Variants in PIWIL2 observed in about 807,000 individuals in gnomAD.
The protein encoded by PIWIL2 is piwi-like protein 2.
Under a neutral mutation model 116.5 loss-of-function variants are expected in PIWIL2, and 81 were observed. The observed-to-expected ratio is 0.70, with a 90% confidence interval of 0.58 to 0.84. The LOEUF (loss-of-function observed/expected upper bound fraction) is 0.84. Among genes scored for constraint, PIWIL2 ranks in the 40% least tolerant of loss-of-function variants. The probability of loss-of-function intolerance (pLI) is 0.00; values close to 1 mark genes in which losing one functional copy is unlikely to be tolerated. For missense variants in PIWIL2, 1,272 were observed against 1,212.3 expected, an observed-to-expected ratio of 1.05 and a Z score of -0.73; for synonymous variants, 489 against 429.5, an observed-to-expected ratio of 1.14 and a Z score of -1.71.
chr8:22,301,244 T>A (rs1831040755), intron 10 of PIWIL2, among the ~76,000 whole-genome samples: 1 of 152,124 alleles, frequency 6.6e-6, no homozygotes, highest in Non-Finnish European at 1.5e-5. Flanking sequence ...GTGCCGGGAT[T>A]ACAGATGTGA....
At chr8:22,301,372 C>G (rs1281658129) in intron 10 of PIWIL2, among the ~76,000 whole-genome samples, 2 of 152,150 alleles carry the variant, frequency 1.3e-5, no homozygotes, top group Non-Finnish European at 2.9e-5. Flanking sequence ...CATCTCAGCT[C>G]ACGGTAGCCT....
intron 20 of PIWIL2, among the ~76,000 whole-genome samples, chr8:22,343,354 G>C (rs1353250830): frequency 6.6e-6 from 1 of 152,088 alleles, no homozygotes; most frequent in Non-Finnish European, 1.5e-5. Flanking sequence ...AGAATCATTT[G>C]AACTTGGGAG....
At chr8:22,281,807 T>C (rs1799412072) in intron 4 of PIWIL2, among the ~76,000 whole-genome samples, 1 of 149,622 alleles carries the variant, frequency 6.7e-6, no homozygotes, top group Non-Finnish European at 1.5e-5. Context: ...AGTTTTGCTC[T>C]GTCTCCCAAG....
chr8:22,347,059 T>C (rs1434533819), intron 20 of PIWIL2, among the ~76,000 whole-genome samples: 1 of 151,526 alleles, frequency 6.6e-6, no homozygotes, highest in East Asian at 1.9e-4. Flanking sequence ...TAGTCTCAGC[T>C]ACTCAGGAGG....
intron 10 of PIWIL2, among the ~76,000 whole-genome samples, chr8:22,296,033 TTTTTTTTTTTTTTTTTTTTTTTTTTG>T (rs1387744294): frequency 1.1e-4 from 2 of 18,974 alleles, no homozygotes; most frequent in Non-Finnish European, 8.1e-5. Flanking sequence ...TTTTTTTTTT[TTTTTTTTTTTTTTTTTTTTTTTTTTG>T]TTGTTGTTGT....
At position 22,289,907 on chromosome 8, in the gene PIWIL2, T is replaced by C. The variant is rs373152155; in HGVS notation, c.1047T>C (p.Ala349=). 3 of 1,610,030 alleles carry C rather than the reference T, an allele frequency of 1.9e-6. No homozygotes were observed. The highest frequency in any genetic ancestry group is 8.5e-7 in the Non-Finnish European group (1 of 1,176,280). ...GAAACTTTTATGACCCTACAAGTGCTATGGTACTACAGCAACACAGGTTGG... is the reference window on the plus strand; with the variant it reads ...GAAACTTTTATGACCCTACAAGTGCCATGGTACTACAGCAACACAGGTTGG... ...VGRNFYDPTS[A]MVLQQHRLQI... Residue 349 remains alanine (A), a synonymous_variant, in exon 9 of 23, where the codon GCT becomes GCC. Transcript: ENST00000356766.
intron 20 of PIWIL2, among the ~76,000 whole-genome samples, chr8:22,329,664 AT>A (rs1401936668): frequency 2.6e-5 from 4 of 152,172 alleles, no homozygotes; most frequent in Non-Finnish European, 4.4e-5. Flanking sequence ...TCAACATGAG[AT>A]TTGGCAGGGA....
In PIWIL2 at chr8:22,279,452, A is replaced by G; in HGVS notation, c.66A>G (p.Val22=). ...SPIHPSQCQA[V]RMPGCWPQAS... is the part of the protein sequence containing the mutation. ...TCCACCCATCCCAGTGCCAGGCTGTACGGATGCCAGGCTGTTGGCCACAAG... is the reference window on the plus strand; with the variant it reads ...TCCACCCATCCCAGTGCCAGGCTGTGCGGATGCCAGGCTGTTGGCCACAAG... The change falls in exon 2 of 23, where the codon GTA becomes GTG. Residue 22 remains valine (V), a synonymous_variant. Transcript: ENST00000356766. 1 of 1,614,072 alleles carries G rather than the reference A, an allele frequency of 6.2e-7. No homozygotes were observed. The highest frequency in any genetic ancestry group is 8.5e-7 in the Non-Finnish European group (1 of 1,179,932).
At chr8:22,284,733 T>C (rs868684100) in intron 6 of PIWIL2, among the ~76,000 whole-genome samples, 2 of 147,320 alleles carry the variant, frequency 1.4e-5, no homozygotes, top group African/African-American at 5.0e-5. Context: ...ATCTCTCTAG[T>C]GACAGTCTAG....
In PIWIL2 at chr8:22,356,371, C is replaced by T. The variant is rs920900769; in HGVS notation, c.*866C>T. 6.6e-6 allele frequency: 1 copy of T among 152,168 alleles called. No individual in the cohort carries two copies. The highest frequency in any genetic ancestry group is 1.5e-5 in the Non-Finnish European group (1 of 68,032). 9.4% of individuals were successfully genotyped at this position (152,168 alleles called of 1,614,324 possible). A position where few individuals can be genotyped will look rare whatever the true frequency, so the allele number is the denominator to read the frequency against. ...TCCTCTCTGGGGATTGAATTGATGA[C>T]GACTGTGACTTGAGTTGGATTCGAA... On this transcript the variant is annotated 3_prime_UTR_variant, in exon 23 of 23. Coordinates refer to ENST00000356766, the MANE Select transcript of PIWIL2 (RefSeq NM_018068.5).
At chr8:22,321,364 C>G (rs985431558) in intron 20 of PIWIL2, among the ~76,000 whole-genome samples, 17 of 152,148 alleles carry the variant, frequency 1.1e-4, no homozygotes, top group African/African-American at 3.9e-4. Context: ...CCTCCCACCT[C>G]AGCTTCCCAA....
At chr8:22,296,241 C>G (rs1312843232) in intron 10 of PIWIL2, among the ~76,000 whole-genome samples, 2 of 151,744 alleles carry the variant, frequency 1.3e-5, no homozygotes, top group Non-Finnish European at 2.9e-5. Flanking sequence ...GAGACAGGGT[C>G]TCACCACATT....
chr8:22,328,486 T>C (rs879421536), intron 20 of PIWIL2, among the ~76,000 whole-genome samples: 32 of 152,314 alleles, frequency 2.1e-4, no homozygotes, highest in African/African-American at 2.9e-4. Flanking sequence ...ATTGAAACTT[T>C]CATAGGGATT....
intron 20 of PIWIL2, among the ~76,000 whole-genome samples, chr8:22,341,299 T>TAAA (rs769390524): frequency 3.5e-5 from 5 of 141,990 alleles, no homozygotes; most frequent in African/African-American, 1.3e-4. Context: ...ATTCATGATT[T>TAAA]AAAAAAAAAA....
intron 1 of PIWIL2, among the ~76,000 whole-genome samples, chr8:22,277,877 A>C (rs1004595207): frequency 3.9e-5 from 6 of 152,042 alleles, no homozygotes; most frequent in African/African-American, 1.2e-4. Context: ...TAACTATGAA[A>C]TTGTTTATAG....
At chr8:22,333,194 G>A (rs897842643) in intron 20 of PIWIL2, among the ~76,000 whole-genome samples, 1 of 151,972 alleles carries the variant, frequency 6.6e-6, no homozygotes, top group Non-Finnish European at 1.5e-5. Flanking sequence ...GATATGAGAG[G>A]AAAAAACAAA....
intron 20 of PIWIL2, among the ~76,000 whole-genome samples, chr8:22,343,229 AC>A (rs1832149301): frequency 6.7e-6 from 1 of 150,228 alleles, no homozygotes; most frequent in African/African-American, 2.5e-5. Flanking sequence ...ACATGGAGAA[AC>A]CCCGTCTCTA....
chr8:22,315,071 A>G lies in PIWIL2; in HGVS notation c.2134A>G (p.Ser712Gly). Reference sequence around the variant, plus strand: ...CATTGGTCAGCCCACCAGGCTTCGGAGTGTGGCCCAGAAGATTTTACTTCA... The same window carrying G: ...CATTGGTCAGCCCACCAGGCTTCGGGGTGTGGCCCAGAAGATTTTACTTCA... ...RTIGQPTRLR[S>G]VAQKILLQIN... Residue 712 changes from serine to glycine, a missense_variant, in exon 18 of 23, where the codon AGT becomes GGT. Transcript: ENST00000356766. 1 of 1,613,762 alleles carries G rather than the reference A, an allele frequency of 6.2e-7. No homozygotes were observed. Among genetic ancestry groups the G allele is most frequent in the Non-Finnish European group, 8.5e-7 (1 of 1,179,760 alleles).
chr8:22,310,203 T>C, intron 15 of PIWIL2, 129 bp downstream of exon 15: 1 of 591,024 alleles, frequency 1.7e-6, no homozygotes, highest in Non-Finnish European at 3.0e-6. Context: ...CTGAATTACC[T>C]ACTAACCAGG....
Sources: gnomAD v4.1 joint callset for allele counts (sites outside exome capture counted in the v4.1 genomes callset) on GRCh38, gnomAD v4.1.1 for gene constraint, MANE v1.5 for transcripts, NCBI Gene and HGNC (gene_info 2026-07-23, HGNC 2026-07-21) for gene names.